The following COL8A1 variants were observed in gnomAD, a reference collection of about 807,000 sequenced individuals.
COL8A1 encodes collagen alpha-1(VIII) chain.
In COL8A1, 21 loss-of-function variants were observed where a neutral mutation model predicts 42.7. That is an observed-to-expected ratio of 0.49 (90% CI 0.35 to 0.71). The LOEUF is 0.71. Ranked by LOEUF, COL8A1 falls within the 30% of genes least tolerant of loss-of-function variation. The pLI, the probability that COL8A1 is intolerant of heterozygous loss-of-function variation, is 0.01. For synonymous variants in COL8A1, 367 were observed against 369.1 expected, an observed-to-expected ratio of 0.99 and a Z score of 0.06; for missense variants, 788 against 962.4, an observed-to-expected ratio of 0.82 and a Z score of 2.40.
intron 2 of COL8A1, among the ~76,000 whole-genome samples, chr3:99,756,918 C>A (rs2107420257): frequency 6.6e-6 from 1 of 152,284 alleles, no homozygotes; most frequent in East Asian, 1.9e-4. Context: ...AATGTGGTTT[C>A]TTTTTCAGTC....
At chr3:99,672,380 C>T (rs986548535) in intron 1 of COL8A1, among the ~76,000 whole-genome samples, 4 of 151,880 alleles carry the variant, frequency 2.6e-5, no homozygotes, top group African/African-American at 7.2e-5. Context: ...GTTTTTCTAA[C>T]TTCTCCTGTA....
chr3:99,646,773 T>TA (rs908743746), intron 1 of COL8A1, among the ~76,000 whole-genome samples: 2 of 152,048 alleles, frequency 1.3e-5, no homozygotes, highest in Non-Finnish European at 2.9e-5. Flanking sequence ...AAGTGGAAAG[T>TA]AAAAAAACAA....
intron 1 of COL8A1, among the ~76,000 whole-genome samples, chr3:99,737,931 A>G (rs1940779538): frequency 1.3e-5 from 2 of 150,768 alleles, no homozygotes; most frequent in Admixed American, 6.6e-5. Context: ...ATTTCTTTTT[A>G]TTCTTTTTTC....
chr3:99,763,724 G>A (rs1941407384), intron 2 of COL8A1, among the ~76,000 whole-genome samples: 2 of 152,156 alleles, frequency 1.3e-5, no homozygotes, highest in African/African-American at 4.8e-5. Context: ...CATGCACCCA[G>A]TACCATGTTC....
intron 3 of COL8A1, among the ~76,000 whole-genome samples, chr3:99,793,889 C>T (rs1180653729): frequency 6.6e-6 from 1 of 152,096 alleles, no homozygotes; most frequent in African/African-American, 2.4e-5. Context: ...GTAGCTGGGA[C>T]TACAGGCATG....
At chr3:99,679,629 A>G (rs1270340117) in intron 1 of COL8A1, 1 of 152,188 alleles carries the variant, frequency 6.6e-6, no homozygotes, top group Non-Finnish European at 1.5e-5. Context: ...TATGATCTTG[A>G]GCAAGTCATT....
chr3:99,688,813 T>C (rs1939137808), intron 1 of COL8A1, among the ~76,000 whole-genome samples: 1 of 152,166 alleles, frequency 6.6e-6, no homozygotes, highest in African/African-American at 2.4e-5. Context: ...TCAGTCCAAC[T>C]CAGGATTTCT....
At chr3:99,738,759 G>A (rs1016308492) in intron 1 of COL8A1, among the ~76,000 whole-genome samples, 3 of 152,188 alleles carry the variant, frequency 2.0e-5, no homozygotes, top group South Asian at 2.1e-4. Flanking sequence ...CACCCAGTTC[G>A]AGCTTCCTGG....
chr3:99,671,231 G>A (rs1938534741), intron 1 of COL8A1, among the ~76,000 whole-genome samples: 2 of 152,026 alleles, frequency 1.3e-5, no homozygotes, highest in South Asian at 4.1e-4. Flanking sequence ...CATTGTTTGA[G>A]AGGACTGTAG....
chr3:99,697,140 C>A (rs1559781898), intron 1 of COL8A1, among the ~76,000 whole-genome samples: 1 of 151,206 alleles, frequency 6.6e-6, no homozygotes, highest in Non-Finnish European at 1.5e-5. Flanking sequence ...GCGCCCGCCA[C>A]TACGCCCGGC....
At chr3:99,661,399 G>T (rs545682138) in intron 1 of COL8A1, among the ~76,000 whole-genome samples, 2 of 152,044 alleles carry the variant, frequency 1.3e-5, no homozygotes, top group African/African-American at 4.8e-5. Flanking sequence ...AATCAAAACT[G>T]CCATGAGATG....
At chr3:99,658,595 T>C (rs1281847257) in intron 1 of COL8A1, among the ~76,000 whole-genome samples, 8 of 152,154 alleles carry the variant, frequency 5.3e-5, no homozygotes. Flanking sequence ...GCACAGAGCC[T>C]GAAACCAAGT....
At chr3:99,733,282 A>G (rs1405430657) in intron 1 of COL8A1, among the ~76,000 whole-genome samples, 1 of 148,676 alleles carries the variant, frequency 6.7e-6, no homozygotes, top group Non-Finnish European at 1.5e-5. Context: ...ATATCTCCCA[A>G]TGCTATCCCT....
chr3:99,733,671 G>T (rs1449563654), intron 1 of COL8A1, among the ~76,000 whole-genome samples: 1 of 151,698 alleles, frequency 6.6e-6, no homozygotes, highest in African/African-American at 2.4e-5. Context: ...CCCAGTAATG[G>T]GATGGCTGGG....
intron 1 of COL8A1, among the ~76,000 whole-genome samples, chr3:99,649,173 C>G (rs994800994): frequency 1.3e-5 from 2 of 152,042 alleles, no homozygotes; most frequent in African/African-American, 4.8e-5. Context: ...ACCAGCCTAA[C>G]CCAAGCTGCC....
At chr3:99,781,272 C>A (rs1052662868) in intron 2 of COL8A1, among the ~76,000 whole-genome samples, 1 of 152,092 alleles carries the variant, frequency 6.6e-6, no homozygotes, top group Non-Finnish European at 1.5e-5. Flanking sequence ...AGTAGGATTG[C>A]CATTCTGACT....
At chr3:99,749,969 T>C (rs1472558701) in intron 2 of COL8A1, among the ~76,000 whole-genome samples, 1 of 151,784 alleles carries the variant, frequency 6.6e-6, no homozygotes, top group Non-Finnish European at 1.5e-5. Flanking sequence ...TATGCATGAG[T>C]TAACTATATA....
intron 1 of COL8A1, among the ~76,000 whole-genome samples, chr3:99,700,855 C>A (rs1182959383): frequency 6.6e-6 from 1 of 152,094 alleles, no homozygotes; most frequent in East Asian, 1.9e-4. Context: ...GTATGCTGGA[C>A]TTTTGGACCA....
intron 1 of COL8A1, among the ~76,000 whole-genome samples, chr3:99,642,262 G>A (rs1937517502): frequency 6.6e-6 from 1 of 152,138 alleles, no homozygotes; most frequent in African/African-American, 2.4e-5. Context: ...TTGTTTGAGG[G>A]AGAAGGTTCT....
Sources: allele counts gnomAD v4.1 joint callset (sites outside exome capture counted in the v4.1 genomes callset), GRCh38; gene constraint gnomAD v4.1.1; transcripts MANE v1.5; gene names NCBI Gene and HGNC (gene_info 2026-07-23, HGNC 2026-07-21).